NFIB: variants seen among roughly 807,000 people sequenced by gnomAD.
NFIB encodes nuclear factor I B, also known as nuclear factor 1 B-type.
NFIB carries 11 observed loss-of-function variants against 61.5 expected under a neutral mutation model. The ratio of observed to expected loss-of-function variants is 0.18; its 90% CI spans 0.11 to 0.30. NFIB has a LOEUF of 0.30. NFIB is among the 10% of genes least tolerant of loss of function. The pLI is 1.00. For missense variants in NFIB, 471 were observed against 608.9 expected (o/e 0.77, Z 2.38); for synonymous variants, 260 against 216.5 (o/e 1.20, Z -1.76).
At chr9:14,344,309 G>A (rs376095824) in intron 1 of NFIB, among the ~76,000 whole-genome samples, 8 of 151,986 alleles carry the variant, frequency 5.3e-5, no homozygotes, top group African/African-American at 1.7e-4. Context: ...TGGGGTGAGA[G>A]AGAAAGTCTC....
At chr9:14,340,025 T>C (rs746698937) in intron 1 of NFIB, among the ~76,000 whole-genome samples, 16 of 152,232 alleles carry the variant, frequency 1.1e-4, no homozygotes, top group Non-Finnish European at 1.8e-4. Context: ...TTCTTACAGA[T>C]GACCAGACTG....
At chr9:14,238,043 G>T (rs1284238471) in intron 2 of NFIB, among the ~76,000 whole-genome samples, 1 of 152,008 alleles carries the variant, frequency 6.6e-6, no homozygotes, top group Non-Finnish European at 1.5e-5. Flanking sequence ...GAGTACAGCA[G>T]GGTAAGGAGA....
chr9:14,225,061 C>A (rs1229514373), intron 2 of NFIB, among the ~76,000 whole-genome samples: 1 of 152,108 alleles, frequency 6.6e-6, no homozygotes, highest in Non-Finnish European at 1.5e-5. Context: ...TACCCTCTGA[C>A]CAAGATCTCT....
At chr9:14,304,590 G>C (rs1161295609) in intron 2 of NFIB, among the ~76,000 whole-genome samples, 5 of 152,170 alleles carry the variant, frequency 3.3e-5, no homozygotes, top group Admixed American at 3.3e-4. Flanking sequence ...AGTGGGGAGA[G>C]AGAAAAAGGG....
the NFIB span, among the ~76,000 whole-genome samples, chr9:14,466,530 A>G: frequency 5.9e-5 from 9 of 152,092 alleles, no homozygotes; most frequent in African/African-American, 2.2e-4. Flanking sequence ...CAGAGGAAAA[A>G]GCAATGGAGG....
chr9:14,364,898 G>C (rs770483315), intron 1 of NFIB, among the ~76,000 whole-genome samples: 7 of 152,326 alleles, frequency 4.6e-5, no homozygotes, highest in Non-Finnish European at 8.8e-5. Context: ...GGAGGAACAA[G>C]ACAGCAGGGT....
At chr9:14,229,212 C>A (rs770198588) in intron 2 of NFIB, among the ~76,000 whole-genome samples, 3 of 152,106 alleles carry the variant, frequency 2.0e-5, no homozygotes, top group Admixed American at 6.5e-5. Context: ...AGTTAATGGT[C>A]GGAACTCAAT....
chr9:14,398,715 G>A (rs1395974112), exon 1 of NFIB: 5 of 940,584 alleles, frequency 5.3e-6, no homozygotes, highest in African/African-American at 5.1e-5. Flanking sequence ...CCAGGTCACC[G>A]AGTACCTTAG....
At chr9:14,162,762 T>G (rs1674360590) in intron 3 of NFIB, among the ~76,000 whole-genome samples, 1 of 152,070 alleles carries the variant, frequency 6.6e-6, no homozygotes, top group African/African-American at 2.4e-5. Context: ...CTATTCTACT[T>G]TTGCTTTCTA....
the NFIB span, among the ~76,000 whole-genome samples, chr9:14,411,940 G>A: frequency 6.6e-6 from 1 of 152,140 alleles, no homozygotes; most frequent in Non-Finnish European, 1.5e-5. Flanking sequence ...CCCAAAGAGA[G>A]GCCTATGTGG....
chr9:14,353,184 G>A (rs185064148), intron 1 of NFIB, among the ~76,000 whole-genome samples: 1 of 152,098 alleles, frequency 6.6e-6, no homozygotes, highest in Non-Finnish European at 1.5e-5. Flanking sequence ...AGACTGTAGG[G>A]GCAGACAGAG....
Position 14,084,920 on chromosome 9 carries a change from G to C in NFIB, c.*3389C>G, listed in dbSNP as rs1335246867. On this transcript the variant is annotated 3_prime_UTR_variant, in exon 11 of 11. Coordinates refer to ENST00000380953, the MANE Select transcript of NFIB (RefSeq NM_001190737.2). ...GGCCTTTGTATTCAAGAGGCAGGCA[G>C]GAATACCCACAGTGTGTAACTTGGT... 8.7e-6 allele frequency: 2 copies of C among 230,722 alleles called. No homozygotes were observed. Among genetic ancestry groups the C allele is most frequent in the African/African-American group, 4.4e-5 (2 of 45,158 alleles). 14.3% of individuals were successfully genotyped at this position (230,722 alleles called of 1,614,324 possible). A position where few individuals can be genotyped will look rare whatever the true frequency, so the allele number is the denominator to read the frequency against.
At chr9:14,300,055 T>G in intron 2 of NFIB, 1 of 396,314 alleles carries the variant, frequency 2.5e-6, no homozygotes, top group East Asian at 3.6e-5. Flanking sequence ...CACTTAGTTT[T>G]CACAAGTTCT....
At chr9:14,496,542 A>G in the NFIB span, among the ~76,000 whole-genome samples, 1 of 152,320 alleles carries the variant, frequency 6.6e-6, no homozygotes, top group African/African-American at 2.4e-5. Context: ...CAAGAGCCTC[A>G]TCTTCAGCAT....
the NFIB span, among the ~76,000 whole-genome samples, chr9:14,483,981 T>C: frequency 6.6e-6 from 1 of 152,218 alleles, no homozygotes; most frequent in Non-Finnish European, 1.5e-5. Flanking sequence ...TTTTGTTGAA[T>C]TATATTTCAC....
chr9:14,109,563 C>T (rs1353559901), intron 10 of NFIB, among the ~76,000 whole-genome samples: 1 of 152,052 alleles, frequency 6.6e-6, no homozygotes, highest in African/African-American at 2.4e-5. Flanking sequence ...AATGAAGCTC[C>T]AACTGAAGTT....
chr9:14,257,281 A>C (rs1369508506), intron 2 of NFIB, among the ~76,000 whole-genome samples: 5 of 152,216 alleles, frequency 3.3e-5, no homozygotes, highest in African/African-American at 1.2e-4. Flanking sequence ...ACAAGGTGAC[A>C]GCTGTGCCTT....
At chr9:14,474,522 T>C in the NFIB span, among the ~76,000 whole-genome samples, 1 of 152,230 alleles carries the variant, frequency 6.6e-6, no homozygotes, top group Non-Finnish European at 1.5e-5. Flanking sequence ...TCCTCCCATT[T>C]GTTCCATCCT....
At chr9:14,451,499 A>G in the NFIB span, among the ~76,000 whole-genome samples, 5 of 152,250 alleles carry the variant, frequency 3.3e-5, no homozygotes, top group Non-Finnish European at 7.3e-5. Context: ...GGATGTTTAA[A>G]GTATGTATCT....
Sources: gnomAD v4.1 joint callset for allele counts (sites outside exome capture counted in the v4.1 genomes callset) on GRCh38, gnomAD v4.1.1 for gene constraint, MANE v1.5 for transcripts, NCBI Gene and HGNC (gene_info 2026-07-23, HGNC 2026-07-21) for gene names.